FMNL2: variants seen among roughly 807,000 people sequenced by gnomAD.
The protein encoded by FMNL2 is formin-like protein 2.
FMNL2 carries 51 observed loss-of-function variants against 130.2 expected under a neutral mutation model. The ratio of observed to expected loss-of-function variants is 0.39; its 90% CI spans 0.31 to 0.49. The LOEUF (loss-of-function observed/expected upper bound fraction) is 0.49. FMNL2 is among the 20% of genes least tolerant of loss of function. The pLI is 0.85. For synonymous variants in FMNL2, 465 were observed against 467.1 expected, an observed-to-expected ratio of 1.00 and a Z score of 0.06; for missense variants, 977 against 1,316.2, an observed-to-expected ratio of 0.74 and a Z score of 3.99.
chr2:152,603,259 A>T (rs962354481), intron 9 of FMNL2, among the ~76,000 whole-genome samples: 1 of 152,150 alleles, frequency 6.6e-6, no homozygotes, highest in Non-Finnish European at 1.5e-5. Context: ...GGGTCCTTCT[A>T]GTCCTTACCA....
intron 23 of FMNL2, among the ~76,000 whole-genome samples, chr2:152,637,926 A>G (rs1400036297): frequency 3.9e-5 from 6 of 152,242 alleles, no homozygotes; most frequent in Non-Finnish European, 7.3e-5. Flanking sequence ...GGAGATGCTC[A>G]AAGACATTGC....
intron 9 of FMNL2, among the ~76,000 whole-genome samples, chr2:152,584,178 C>A (rs1012718704): frequency 6.6e-6 from 1 of 151,654 alleles, no homozygotes; most frequent in Non-Finnish European, 1.5e-5. Context: ...CCTCTTTAAC[C>A]AAAATGTCAT....
At chr2:152,586,458 G>T (rs961434969) in intron 9 of FMNL2, among the ~76,000 whole-genome samples, 1 of 152,186 alleles carries the variant, frequency 6.6e-6, no homozygotes, top group Admixed American at 6.5e-5. Context: ...GAAGATTTTG[G>T]TGTGCTTCCA....
At chr2:152,433,448 A>G (rs1369616345) in intron 1 of FMNL2, among the ~76,000 whole-genome samples, 5 of 152,036 alleles carry the variant, frequency 3.3e-5, no homozygotes, top group Non-Finnish European at 1.5e-5. Flanking sequence ...ATTCTGGAGG[A>G]TAGAAAATCA....
At chr2:152,622,213 A>G (rs906089832) in intron 15 of FMNL2, among the ~76,000 whole-genome samples, 2 of 152,144 alleles carry the variant, frequency 1.3e-5, no homozygotes, top group African/African-American at 4.8e-5. Flanking sequence ...CACAATGCGA[A>G]TTTGGACTTT....
At position 152,455,463 on chromosome 2, in the gene FMNL2, T is replaced by A. The variant is rs75833960; in HGVS notation, c.118-66480T>A. On this transcript the variant is annotated intron_variant, in intron 1 of 25. Coordinates refer to ENST00000288670, the MANE Select transcript of FMNL2 (RefSeq NM_052905.4). ...ACACAGGAGGGAGGAAAGCTCTTGTTTGAAATGGAAGCTGATGCTCTAAAG... is the reference window on the plus strand; with the variant it reads ...ACACAGGAGGGAGGAAAGCTCTTGTATGAAATGGAAGCTGATGCTCTAAAG... 7.2e-5 allele frequency among the ~76,000 whole-genome samples: 11 copies of A among 152,238 alleles called. No homozygotes were observed. The East Asian group carries it at 2.1e-3, about 29-fold the overall frequency.
chr2:152,382,302 C>G (rs1684519327), intron 1 of FMNL2, among the ~76,000 whole-genome samples: 1 of 152,144 alleles, frequency 6.6e-6, no homozygotes, highest in Non-Finnish European at 1.5e-5. Flanking sequence ...TGGTAGATTT[C>G]TCTTCATTGG....
intron 1 of FMNL2, among the ~76,000 whole-genome samples, chr2:152,471,588 A>G (rs1362930135): frequency 6.6e-6 from 1 of 152,076 alleles, no homozygotes; most frequent in Non-Finnish European, 1.5e-5. Flanking sequence ...TAGCAGCCCC[A>G]CTCCAGAACT....
Position 152,649,113 on chromosome 2 carries a change from A to G in FMNL2, c.*1208A>G, listed in dbSNP as rs1406470224. 4 of 152,560 alleles carry G rather than the reference A, an allele frequency of 2.6e-5. No individual in the cohort carries two copies. The highest frequency in any genetic ancestry group is 2.6e-4 in the Admixed American group (4 of 15,264). 9.5% of individuals were successfully genotyped at this position (152,560 alleles called of 1,614,324 possible). On this transcript the variant is annotated 3_prime_UTR_variant, in exon 26 of 26. Transcript: ENST00000288670. ...TTGGTACATCAATATATTAATTGTA[A>G]AGTTTATTGTATAGTATTTAACCGC...
chr2:152,536,306 T>C (rs1452810374), intron 2 of FMNL2, among the ~76,000 whole-genome samples: 1 of 152,258 alleles, frequency 6.6e-6, no homozygotes, highest in East Asian at 1.9e-4. Flanking sequence ...GGTAAAACCC[T>C]TGAGGATATG....
At chr2:152,503,076 G>A (rs886467051) in intron 1 of FMNL2, among the ~76,000 whole-genome samples, 1 of 152,122 alleles carries the variant, frequency 6.6e-6, no homozygotes, top group South Asian at 2.1e-4. Context: ...GGGACAAAAT[G>A]GTATTAAAGA....
At chr2:152,611,188 A>C (rs1279010614) in intron 10 of FMNL2, among the ~76,000 whole-genome samples, 1 of 152,146 alleles carries the variant, frequency 6.6e-6, no homozygotes, top group Non-Finnish European at 1.5e-5. Flanking sequence ...AAAATACAAA[A>C]ATTAGCTGGG....
intron 1 of FMNL2, among the ~76,000 whole-genome samples, chr2:152,416,893 C>T (rs1686647923): frequency 6.6e-6 from 1 of 152,188 alleles, no homozygotes; most frequent in Admixed American, 6.5e-5. Flanking sequence ...TTAGAGCAGC[C>T]TGTAGTTACT....
At chr2:152,379,951 G>A (rs1267151741) in intron 1 of FMNL2, among the ~76,000 whole-genome samples, 3 of 152,194 alleles carry the variant, frequency 2.0e-5, no homozygotes, top group Non-Finnish European at 4.4e-5. Flanking sequence ...TTATTAAGGT[G>A]CCTTCAAACA....
At position 152,646,164 on chromosome 2, in the gene FMNL2, A is replaced by AC. The variant is rs1402926940; in HGVS notation, c.3170-1632_3170-1631insC. 6.7e-4 allele frequency among the ~76,000 whole-genome samples: 96 copies of AC among 142,646 alleles called. 2 individuals carry two copies. The East Asian group carries it at 0.014, about 21-fold the overall frequency. 93.6% of individuals were successfully genotyped at this position (142,646 alleles called of 152,430 possible). The stretch of plus-strand genomic sequence containing the variant: ...GCAAAATCCCCATCTCTACAAAAAA[A>AC]AAAAAACAAACAAACAAAGTTAGCC... On this transcript the variant is annotated intron_variant, in intron 25 of 25. Coordinates refer to ENST00000288670, the MANE Select transcript of FMNL2 (RefSeq NM_052905.4).
chr2:152,517,513 G>T (rs1290794722), intron 1 of FMNL2, among the ~76,000 whole-genome samples: 1 of 152,182 alleles, frequency 6.6e-6, no homozygotes, highest in Non-Finnish European at 1.5e-5. Context: ...TTAGAGACAT[G>T]TAAACAGTGC....
At position 152,629,619 on chromosome 2, in the gene FMNL2, CT is replaced by C. The variant is rs369328938; in HGVS notation, c.2401-31del. On this transcript the variant is annotated intron_variant, in intron 18 of 25. Transcript: ENST00000288670. ...AATTAGTTTCCCATTTTTAACATGT[CT>C]TTTTTCCCCTTTTTCTTTCTTTGAT... 36 of 1,548,426 alleles carry C rather than the reference CT, an allele frequency of 2.3e-5. No homozygotes were observed. The African/African-American group carries it at 4.1e-4, about 18-fold the overall frequency.
intron 1 of FMNL2, among the ~76,000 whole-genome samples, chr2:152,487,156 T>C (rs917319143): frequency 3.9e-5 from 6 of 152,238 alleles, no homozygotes; most frequent in African/African-American, 1.4e-4. Flanking sequence ...ATAAATCTTA[T>C]ATTCTACAGC....
intron 14 of FMNL2, 125 bp downstream of exon 14, chr2:152,619,283 AG>A: frequency 7.6e-7 from 1 of 1,319,066 alleles, no homozygotes; most frequent in Non-Finnish European, 1.0e-6. Flanking sequence ...GGTTTTCTTG[AG>A]TAGTTCTTAA....
Sources: gnomAD v4.1 joint callset for allele counts (sites outside exome capture counted in the v4.1 genomes callset) on GRCh38, gnomAD v4.1.1 for gene constraint, MANE v1.5 for transcripts, NCBI Gene and HGNC (gene_info 2026-07-23, HGNC 2026-07-21) for gene names.